MALRD1: variants seen among roughly 807,000 people sequenced by gnomAD.
The protein encoded by MALRD1 is MAM and LDL-receptor class A domain-containing protein 1.
Under a neutral mutation model 242.1 loss-of-function variants are expected in MALRD1, and 247 were observed. The observed-to-expected ratio is 1.02, with a 90% CI of 0.92 to 1.13. MALRD1 has a LOEUF of 1.13. Ranked by LOEUF, MALRD1 falls within the 50% of genes most tolerant of loss-of-function variation. The pLI is 0.00. For synonymous variants in MALRD1, 995 were observed against 866.6 expected, an observed-to-expected ratio of 1.15 and a Z score of -2.60; for missense variants, 2,989 against 2,533.1, an observed-to-expected ratio of 1.18 and a Z score of -3.86.
intron 32 of MALRD1, among the ~76,000 whole-genome samples, chr10:19,554,569 G>A (rs1835631765): frequency 6.6e-6 from 1 of 151,944 alleles, no homozygotes; most frequent in Admixed American, 6.6e-5. Context: ...ACAGGCCCCA[G>A]TGTGTGTTGT....
chr10:19,389,413 G>T (rs565396713), intron 27 of MALRD1, 39 bp from the exon 28 acceptor site: 3 of 1,539,696 alleles, frequency 1.9e-6, no homozygotes, highest in Non-Finnish European at 2.6e-6. Flanking sequence ...TCCCATCATT[G>T]TTATTTCGTT....
At chr10:19,567,431 A>G (rs1836304435) in intron 32 of MALRD1, 71 bp from the exon 33 acceptor site, 1 of 1,287,324 alleles carries the variant, frequency 7.8e-7, no homozygotes, top group African/African-American at 1.5e-5. Flanking sequence ...TCATTCTTTC[A>G]TCAATCATCT....
At chr10:19,460,202 A>G (rs973754366) in intron 29 of MALRD1, among the ~76,000 whole-genome samples, 3 of 152,174 alleles carry the variant, frequency 2.0e-5, no homozygotes, top group Admixed American at 2.0e-4. Flanking sequence ...ATTGAAGTAT[A>G]TGTCATTTAG....
intron 18 of MALRD1, among the ~76,000 whole-genome samples, chr10:19,229,991 C>G (rs1837979486): frequency 6.6e-6 from 1 of 152,070 alleles, no homozygotes; most frequent in African/African-American, 2.4e-5. Context: ...GGGCAGTTTT[C>G]CCCATACTGT....
At position 19,119,278 on chromosome 10, in the gene MALRD1, G is replaced by T. The variant is rs185880462; in HGVS notation, c.695-4214G>T. On this transcript the variant is annotated intron_variant, in intron 5 of 39. Coordinates refer to ENST00000454679, the MANE Select transcript of MALRD1 (RefSeq NM_001142308.3). ...GAAAAATCAGAGGTTTATTGAGGTAGTAACCGCCCAAGGGGTTCACCTTGC... is the reference window on the plus strand; with the variant it reads ...GAAAAATCAGAGGTTTATTGAGGTATTAACCGCCCAAGGGGTTCACCTTGC... Among the ~76,000 whole-genome samples, 37 of 152,302 alleles carry T rather than the reference G, an allele frequency of 2.4e-4. No individual in the cohort carries two copies. The East Asian group carries it at 6.4e-3, about 26-fold the overall frequency.
intron 38 of MALRD1, among the ~76,000 whole-genome samples, chr10:19,727,001 T>C (rs569311932): frequency 5.3e-5 from 8 of 152,286 alleles, no homozygotes; most frequent in African/African-American, 1.7e-4. Flanking sequence ...ATAAAAACAT[T>C]TTGGAAATAG....
chr10:19,630,973 G>C (rs888672153), intron 36 of MALRD1, among the ~76,000 whole-genome samples: 4 of 152,124 alleles, frequency 2.6e-5, no homozygotes, highest in Non-Finnish European at 5.9e-5. Flanking sequence ...GGAATTAAAA[G>C]ACCTGTCTTG....
At chr10:19,131,579 C>T (rs1013421282) in intron 8 of MALRD1, among the ~76,000 whole-genome samples, 1 of 151,920 alleles carries the variant, frequency 6.6e-6, no homozygotes, top group African/African-American at 2.4e-5. Context: ...TCTTTACAAC[C>T]AAATTTACTT....
rs551559176 is a variant in MALRD1, at chr10:19,441,073, T to A, written c.4846-9234T>A. ...AGATGGTATCCCATTGTGGTTTTGA[T>A]TTGCATTTCTCTGATGGCCAGTGAT... On this transcript the variant is annotated intron_variant, in intron 28 of 39. Coordinates refer to ENST00000454679, the MANE Select transcript of MALRD1 (RefSeq NM_001142308.3). Among the ~76,000 whole-genome samples the A allele has an allele frequency of 6.4e-4, 98 of 152,338 alleles. 1 individual carries two copies. The highest frequency in any genetic ancestry group is 2.2e-3 in the African/African-American group (93 of 41,564).
intron 18 of MALRD1, among the ~76,000 whole-genome samples, chr10:19,247,934 A>G (rs1554819731): frequency 6.6e-6 from 1 of 152,056 alleles, no homozygotes; most frequent in Non-Finnish European, 1.5e-5. Flanking sequence ...AGCTCCACCC[A>G]GTAACATGGG....
chr10:19,513,891 T>C (rs1431147098), intron 31 of MALRD1, among the ~76,000 whole-genome samples: 4 of 152,048 alleles, frequency 2.6e-5, no homozygotes, highest in African/African-American at 7.2e-5. Context: ...AATTAATTCT[T>C]GTTCTACTAG....
intron 36 of MALRD1, among the ~76,000 whole-genome samples, chr10:19,654,320 G>T (rs1841041121): frequency 6.6e-6 from 1 of 152,100 alleles, no homozygotes; most frequent in Non-Finnish European, 1.5e-5. Context: ...TTATTAACAA[G>T]ATGTGTAGCA....
At chr10:19,499,504 A>C (rs1564393511) in intron 31 of MALRD1, among the ~76,000 whole-genome samples, 1 of 151,684 alleles carries the variant, frequency 6.6e-6, no homozygotes, top group Non-Finnish European at 1.5e-5. Flanking sequence ...GAATGTCTTC[A>C]GATTTCATCT....
chr10:19,588,533 C>A (rs1394137775), intron 33 of MALRD1, among the ~76,000 whole-genome samples: 1 of 152,166 alleles, frequency 6.6e-6, no homozygotes, highest in Admixed American at 6.5e-5. Flanking sequence ...TTACAATTTC[C>A]TGACAAAGCA....
At chr10:19,691,950 G>A (rs1312699654) in intron 36 of MALRD1, among the ~76,000 whole-genome samples, 1 of 152,076 alleles carries the variant, frequency 6.6e-6, no homozygotes, top group Non-Finnish European at 1.5e-5. Flanking sequence ...TTTTGGATTT[G>A]AGGCAAATGA....
At chr10:19,461,862 C>G (rs1835962800) in intron 29 of MALRD1, among the ~76,000 whole-genome samples, 1 of 152,102 alleles carries the variant, frequency 6.6e-6, no homozygotes, top group African/African-American at 2.4e-5. Context: ...TTTAATTTCC[C>G]TTTCTGTGGA....
chr10:19,559,417 A>G (rs924485076), intron 32 of MALRD1, among the ~76,000 whole-genome samples: 1 of 152,126 alleles, frequency 6.6e-6, no homozygotes, highest in African/African-American at 2.4e-5. Context: ...AATGCTGTAA[A>G]ATTTTCCTCT....
intron 15 of MALRD1, 79 bp downstream of exon 15, chr10:19,203,959 CG>C: frequency 6.7e-7 from 1 of 1,485,216 alleles, no homozygotes; most frequent in Non-Finnish European, 9.2e-7. Context: ...AAAGCTAGTA[CG>C]GTTCTGTGAT....
chr10:19,114,627 A>G (rs1836805852), intron 5 of MALRD1, among the ~76,000 whole-genome samples: 1 of 152,286 alleles, frequency 6.6e-6, no homozygotes. Context: ...CCTGGAAAAA[A>G]AAATGATATT....
Sources: gnomAD v4.1 joint callset for allele counts (sites outside exome capture counted in the v4.1 genomes callset) on GRCh38, gnomAD v4.1.1 for gene constraint, MANE v1.5 for transcripts, NCBI Gene and HGNC (gene_info 2026-07-23, HGNC 2026-07-21) for gene names.